Variants in NALCN observed in about 807,000 individuals in gnomAD.
NALCN encodes the protein sodium leak channel NALCN.
Under a neutral mutation model 225.3 loss-of-function variants are expected in NALCN, and 111 were observed. That is an observed-to-expected ratio of 0.49 (90% CI 0.42 to 0.58). NALCN has a LOEUF of 0.58. NALCN is among the 20% of genes least tolerant of loss of function. The pLI is 0.00. For missense variants in NALCN, 1,378 were observed against 2,202.4 expected, an observed-to-expected ratio of 0.63 and a Z score of 7.49; for synonymous variants, 764 against 769.0, an observed-to-expected ratio of 0.99 and a Z score of 0.11.
chr13:101,321,885 T>C (rs2044757935), intron 7 of NALCN, among the ~76,000 whole-genome samples: 1 of 152,124 alleles, frequency 6.6e-6, no homozygotes, highest in Non-Finnish European at 1.5e-5. Context: ...TAGATAATCA[T>C]AAAAAAGACT....
At chr13:101,300,725 A>G (rs1276838456) in intron 7 of NALCN, among the ~76,000 whole-genome samples, 1 of 152,234 alleles carries the variant, frequency 6.6e-6, no homozygotes, top group African/African-American at 2.4e-5. Flanking sequence ...TGTGCTCCAC[A>G]CACCCAGCCT....
In NALCN at chr13:101,259,880, T is replaced by C. The variant is rs185984650; in HGVS notation, c.1135-1306A>G. Among the ~76,000 whole-genome samples, 69 of 151,928 alleles carry C rather than the reference T, an allele frequency of 4.5e-4. 2 individuals carry two copies. Among genetic ancestry groups the C allele is most frequent in the African/African-American group, 1.6e-3 (66 of 41,478 alleles). On this transcript the variant is annotated intron_variant, in intron 10 of 43. Coordinates refer to ENST00000251127, the MANE Select transcript of NALCN (RefSeq NM_052867.4). ...GGGTATCCTTTGAGTTACAAATGAT[T>C]ATGTTACACTCTTTAAGTTATTTTA...
chr13:101,057,780 G>A (rs1449587764), intron 43 of NALCN, 159 bp downstream of exon 43: 4 of 673,754 alleles, frequency 5.9e-6, no homozygotes, highest in South Asian at 1.7e-5. Flanking sequence ...TATTTTGGGG[G>A]ACAATGTTTT....
chr13:101,264,518 G>A (rs2042534994), intron 10 of NALCN, among the ~76,000 whole-genome samples: 3 of 152,088 alleles, frequency 2.0e-5, no homozygotes, highest in African/African-American at 2.4e-5. Flanking sequence ...CAGCAACCTG[G>A]AAGCAATTAT....
chr13:101,360,510 G>A (rs749778297), intron 6 of NALCN, among the ~76,000 whole-genome samples: 4 of 152,080 alleles, frequency 2.6e-5, no homozygotes, highest in Non-Finnish European at 4.4e-5. Flanking sequence ...TGGGATTACA[G>A]GCATGAGCCA....
chr13:101,119,416 G>A (rs2035865601), intron 18 of NALCN, among the ~76,000 whole-genome samples: 1 of 152,104 alleles, frequency 6.6e-6, no homozygotes, highest in Non-Finnish European at 1.5e-5. Context: ...CCAAATGTCA[G>A]AATGCAAACA....
At chr13:101,317,336 A>G (rs2044587487) in intron 7 of NALCN, among the ~76,000 whole-genome samples, 1 of 152,254 alleles carries the variant, frequency 6.6e-6, no homozygotes, top group Non-Finnish European at 1.5e-5. Flanking sequence ...CTCATAAACT[A>G]GACATCCTCT....
intron 14 of NALCN, among the ~76,000 whole-genome samples, chr13:101,191,580 AAAT>A (rs2039682265): frequency 6.6e-6 from 1 of 152,190 alleles, no homozygotes; most frequent in African/African-American, 2.4e-5. Context: ...ATGAGAAAAA[AAAT>A]AATAATGGAG....
intron 7 of NALCN, among the ~76,000 whole-genome samples, chr13:101,325,106 T>C (rs1386312399): frequency 1.3e-5 from 2 of 152,162 alleles, no homozygotes; most frequent in African/African-American, 4.8e-5. Context: ...CTTAAATCCG[T>C]ACAGGGTTGG....
rs139551840 is a variant in NALCN, at chr13:101,248,138, T to C, written c.1267-10216A>G. On this transcript the variant is annotated intron_variant, in intron 11 of 43. Transcript: ENST00000251127. ...GCTGCGATGAACATATGCATGCATG[T>C]ATCTTTATAATAGAATGATTTATAT... Among the ~76,000 whole-genome samples, 1,122 of 152,324 alleles carry C rather than the reference T, an allele frequency of 7.4e-3. 13 individuals carry two copies. The highest frequency in any genetic ancestry group is 0.026 in the African/African-American group (1,068 of 41,584).
intron 2 of NALCN, among the ~76,000 whole-genome samples, chr13:101,398,360 T>G (rs2047374467): frequency 6.6e-6 from 1 of 152,124 alleles, no homozygotes; most frequent in Non-Finnish European, 1.5e-5. Context: ...CATTTCCTTT[T>G]GTTACTTCAG....
chr13:101,226,903 C>T (rs2041165154), intron 13 of NALCN, among the ~76,000 whole-genome samples: 1 of 152,204 alleles, frequency 6.6e-6, no homozygotes, highest in African/African-American at 2.4e-5. Context: ...CTTTCTTCTC[C>T]TATCCCTTCC....
At chr13:101,219,484 C>A (rs1420424224) in intron 13 of NALCN, among the ~76,000 whole-genome samples, 1 of 152,180 alleles carries the variant, frequency 6.6e-6, no homozygotes, top group Non-Finnish European at 1.5e-5. Flanking sequence ...TCACTTGGAA[C>A]ATCCTTTCAC....
rs1594617104 is a variant in NALCN at position 101,292,512 on chromosome 13, A to G, written c.800-146T>C. On this transcript the variant is annotated intron_variant, in intron 7 of 43. Transcript: ENST00000251127. The surrounding 1 kb of genome is among the most constrained non-coding windows in gnomAD (Gnocchi z 4.3). ...AATTGATTAGAATCACATGCAACAC[A>G]TTTTACTGTTCTCTTAAAATTTTAA... The G allele has an allele frequency of 1.1e-5, 9 of 792,386 alleles. No homozygotes were observed. The highest frequency in any genetic ancestry group is 1.7e-5 in the Non-Finnish European group (9 of 530,570). 49.1% of individuals were successfully genotyped at this position (792,386 alleles called of 1,614,324 possible). A position where few individuals can be genotyped will look rare whatever the true frequency, so the allele number is the denominator to read the frequency against.
At chr13:101,155,994 C>CTTTA (rs1343359573) in intron 15 of NALCN, among the ~76,000 whole-genome samples, 1 of 152,028 alleles carries the variant, frequency 6.6e-6, no homozygotes, top group Non-Finnish European at 1.5e-5. Flanking sequence ...GTCCCTCCTC[C>CTTTA]TTTATTTATT....
At chr13:101,318,366 G>A (rs959064535) in intron 7 of NALCN, among the ~76,000 whole-genome samples, 2 of 152,120 alleles carry the variant, frequency 1.3e-5, no homozygotes, top group Non-Finnish European at 1.5e-5. Flanking sequence ...CATGGGCGCC[G>A]GCTCCCTGCT....
chr13:101,074,209 T>C (rs1026850451), intron 36 of NALCN, among the ~76,000 whole-genome samples: 1 of 152,170 alleles, frequency 6.6e-6, no homozygotes, highest in Admixed American at 6.5e-5. Context: ...TTTGGCAATA[T>C]GTAGATAGAA....
intron 9 of NALCN, among the ~76,000 whole-genome samples, chr13:101,286,699 AT>A (rs941599013): frequency 1.9e-4 from 28 of 149,978 alleles, no homozygotes; most frequent in African/African-American, 5.4e-4. Context: ...ATGTCCATTA[AT>A]TTTTTTTTTC....
chr13:101,194,156 C>G (rs1277763031), intron 13 of NALCN, among the ~76,000 whole-genome samples: 1 of 152,028 alleles, frequency 6.6e-6, no homozygotes, highest in Non-Finnish European at 1.5e-5. Context: ...TGCTTGGGAA[C>G]GTGGAGTTAT....
Sources: gnomAD v4.1 joint callset for allele counts (sites outside exome capture counted in the v4.1 genomes callset) on GRCh38, gnomAD v4.1.1 for gene constraint, Gnocchi (gnomAD v3.1) non-coding constraint, MANE v1.5 for transcripts, NCBI Gene and HGNC (gene_info 2026-07-23, HGNC 2026-07-21) for gene names.